HYDIN: variants seen among roughly 807,000 people sequenced by gnomAD.
HYDIN encodes axonemal central pair apparatus protein HYDIN.
A neutral mutation model predicts 403.9 loss-of-function variants in HYDIN; 132 were observed. The ratio of observed to expected loss-of-function variants is 0.33; its 90% CI spans 0.28 to 0.38. The LOEUF (loss-of-function observed/expected upper bound fraction) is 0.38. Among genes scored for constraint, HYDIN ranks in the 10% least tolerant of loss-of-function variants. The pLI is 1.00. For synonymous variants in HYDIN, 1,202 were observed against 1,891.7 expected (o/e 0.64, Z 9.46); for missense variants, 2,827 against 5,009.5 (o/e 0.56, Z 13.15).
intron 47 of HYDIN, among the ~76,000 whole-genome samples, chr16:70,917,243 G>A (rs1214728440): frequency 2.0e-5 from 3 of 152,246 alleles, no homozygotes; most frequent in Admixed American, 6.5e-5. Context: ...ACAATAAGGG[G>A]TTGATGGAAA....
chr16:71,082,342 A>G (rs1191727514), intron 12 of HYDIN, among the ~76,000 whole-genome samples: 1 of 152,156 alleles, frequency 6.6e-6, no homozygotes, highest in Non-Finnish European at 1.5e-5. Flanking sequence ...TTGAAATGCT[A>G]CAAACCACTA....
intron 18 of HYDIN, among the ~76,000 whole-genome samples, chr16:71,054,067 C>A (rs1219128857): frequency 6.6e-6 from 1 of 152,326 alleles, no homozygotes; most frequent in African/African-American, 2.4e-5. Context: ...ACACCGCAAA[C>A]CTTAAGGGGA....
chr16:70,951,301 A>G (rs2078067029), intron 41 of HYDIN, among the ~76,000 whole-genome samples: 1 of 151,984 alleles, frequency 6.6e-6, no homozygotes, highest in African/African-American at 2.4e-5. Flanking sequence ...AGAGAGAGAG[A>G]GAGAAACTTC....
chr16:71,022,789 T>G (rs1387584589), intron 21 of HYDIN, among the ~76,000 whole-genome samples: 2 of 146,568 alleles, frequency 1.4e-5, no homozygotes, highest in Non-Finnish European at 3.0e-5. Context: ...GAACTGTAGC[T>G]CAATTCACTT....
intron 80 of HYDIN, among the ~76,000 whole-genome samples, chr16:70,830,047 T>C (rs2036869470): frequency 6.6e-6 from 1 of 152,138 alleles, no homozygotes; most frequent in Non-Finnish European, 1.5e-5. Flanking sequence ...GATGTAGCAA[T>C]GAACGAAATA....
At chr16:70,846,454 A>C (rs2038209770) in intron 75 of HYDIN, among the ~76,000 whole-genome samples, 2 of 150,252 alleles carry the variant, frequency 1.3e-5, no homozygotes, top group Non-Finnish European at 3.0e-5. Flanking sequence ...GGAGAGCTTT[A>C]CTTCCAAGTA....
chr16:71,098,393 G>C (rs1186084544), intron 10 of HYDIN, among the ~76,000 whole-genome samples: 2 of 151,544 alleles, frequency 1.3e-5, no homozygotes, highest in South Asian at 4.2e-4. Flanking sequence ...TAGTAGAAAC[G>C]GGGCTTCACC....
chr16:70,986,448 T>C (rs970376233), intron 27 of HYDIN, among the ~76,000 whole-genome samples: 9 of 152,160 alleles, frequency 5.9e-5, no homozygotes, highest in Admixed American at 3.3e-4. Flanking sequence ...AGAATTCTAT[T>C]TGGTCAGCAT....
chr16:71,111,087 CAGAGAA>C (rs373037185), intron 10 of HYDIN, among the ~76,000 whole-genome samples: 1 of 15,530 alleles, frequency 6.4e-5, no homozygotes, highest in Admixed American at 1.7e-3. Context: ...ATGGGCAATT[CAGAGAA>C]CATAAGATTT....
chr16:71,083,277 G>GT (rs1204042470), intron 12 of HYDIN, among the ~76,000 whole-genome samples: 1 of 151,980 alleles, frequency 6.6e-6, no homozygotes, highest in Non-Finnish European at 1.5e-5. Context: ...CTACCATGTT[G>GT]TAGCATCTAT....
Position 71,139,650 on chromosome 16 carries a change from A to G in HYDIN, c.842-2298T>C, listed in dbSNP as rs186357126. On this transcript the variant is annotated intron_variant, in intron 7 of 85. Coordinates refer to ENST00000393567, the MANE Select transcript of HYDIN (RefSeq NM_001270974.2). ...TAATAAAATAATTTTATTATTTTTCATGACAAATTAGTGAAATGGGAGGTA... is the reference window on the plus strand; with the variant it reads ...TAATAAAATAATTTTATTATTTTTCGTGACAAATTAGTGAAATGGGAGGTA... 3.8e-4 allele frequency among the ~76,000 whole-genome samples: 58 copies of G among 152,066 alleles called. No individual in the cohort carries two copies. In the Middle Eastern group the frequency reaches 0.037, roughly 98 times the overall value.
At chr16:70,876,044 C>T (rs1369896482) in intron 62 of HYDIN, among the ~76,000 whole-genome samples, 37 of 151,766 alleles carry the variant, frequency 2.4e-4, no homozygotes, top group South Asian at 6.2e-4. Context: ...AACAGAGCTA[C>T]GAAGAGAATG....
intron 18 of HYDIN, among the ~76,000 whole-genome samples, chr16:71,033,957 T>C (rs921854244): frequency 6.6e-6 from 1 of 152,080 alleles, no homozygotes; most frequent in African/African-American, 2.4e-5. Context: ...AAAGAAGAGA[T>C]GTGGAGAGTA....
chr16:71,061,861 A>T (rs916461033), intron 17 of HYDIN, among the ~76,000 whole-genome samples: 6 of 144,022 alleles, frequency 4.2e-5, no homozygotes, highest in African/African-American at 1.6e-4. Context: ...CATGTGTGAC[A>T]GTGTGTGTGT....
intron 7 of HYDIN, among the ~76,000 whole-genome samples, chr16:71,152,058 A>C (rs978850747): frequency 4.6e-5 from 7 of 151,444 alleles, no homozygotes; most frequent in African/African-American, 1.5e-4. Flanking sequence ...CAAATGGAAA[A>C]CCCATGGGGC....
chr16:70,820,679 T>C (rs1251998500), intron 83 of HYDIN, among the ~76,000 whole-genome samples: 1 of 148,994 alleles, frequency 6.7e-6, no homozygotes. Flanking sequence ...GATGGAGTCT[T>C]ACTCTGTCAC....
At position 70,887,030 on chromosome 16, in the gene HYDIN, C is replaced by T. The variant is rs537452667; in HGVS notation, c.9774+2557G>A. Among the ~76,000 whole-genome samples, 10 of 152,306 alleles carry T rather than the reference C, an allele frequency of 6.6e-5. No homozygotes were observed. In the East Asian group the frequency reaches 7.7e-4, roughly 12 times the overall value. ...CTCTTTCTGGAACTCCAATGACAAG[C>T]GCATTAGATCTTTAGATCTTTTGTT... On this transcript the variant is annotated intron_variant, in intron 58 of 85. Transcript: ENST00000393567.
intron 41 of HYDIN, among the ~76,000 whole-genome samples, chr16:70,945,281 C>CT (rs1309074293): frequency 3.9e-5 from 6 of 152,098 alleles, no homozygotes; most frequent in African/African-American, 7.2e-5. Context: ...AAACATGATT[C>CT]TTTGAGTTTT....
chr16:71,194,542 T>C (rs988832113), intron 1 of HYDIN, among the ~76,000 whole-genome samples: 5 of 152,262 alleles, frequency 3.3e-5, no homozygotes, highest in Non-Finnish European at 7.3e-5. Context: ...AAATCTTTTT[T>C]AGCCTCAGTT....
Sources: gnomAD v4.1 joint callset for allele counts (sites outside exome capture counted in the v4.1 genomes callset) on GRCh38, gnomAD v4.1.1 for gene constraint, MANE v1.5 for transcripts, NCBI Gene and HGNC (gene_info 2026-07-23, HGNC 2026-07-21) for gene names.